Variants in VGLL3 observed in about 807,000 individuals in gnomAD.
The protein encoded by VGLL3 is transcription cofactor vestigial-like protein 3.
Under a neutral mutation model 29.2 loss-of-function variants are expected in VGLL3, and 18 were observed. That is an observed-to-expected ratio of 0.62 (90% CI 0.43 to 0.91). The LOEUF is 0.91. Among genes scored for constraint, VGLL3 ranks in the 40% least tolerant of loss-of-function variants. VGLL3 has a pLI of 0.00. For missense variants in VGLL3, 440 were observed against 413.2 expected, an observed-to-expected ratio of 1.06 and a Z score of -0.56; for synonymous variants, 180 against 151.8, an observed-to-expected ratio of 1.19 and a Z score of -1.36.
chr3:86,974,578 T>C (rs909507000), intron 2 of VGLL3, among the ~76,000 whole-genome samples: 1 of 152,182 alleles, frequency 6.6e-6, no homozygotes, highest in Non-Finnish European at 1.5e-5. Context: ...AAAACTTACC[T>C]AGCTTCATGA....
intron 2 of VGLL3, among the ~76,000 whole-genome samples, chr3:86,976,227 G>A (rs1287720445): frequency 6.6e-6 from 1 of 152,024 alleles, no homozygotes; most frequent in South Asian, 2.1e-4. Flanking sequence ...CCATCTTCAG[G>A]GCCTTTGCAC....
intron 2 of VGLL3, among the ~76,000 whole-genome samples, chr3:86,975,860 C>T (rs535606104): frequency 3.9e-5 from 6 of 152,080 alleles, no homozygotes; most frequent in South Asian, 2.1e-4. Flanking sequence ...AGTGTGGCTC[C>T]GAGCACTTTG....
At chr3:86,987,254 T>G (rs1705463526) in intron 1 of VGLL3, among the ~76,000 whole-genome samples, 1 of 152,140 alleles carries the variant, frequency 6.6e-6, no homozygotes, top group Non-Finnish European at 1.5e-5. Flanking sequence ...GCAGAACAAT[T>G]TTATGACTCA....
At chr3:86,988,780 A>G (rs909767613) in intron 1 of VGLL3, among the ~76,000 whole-genome samples, 1 of 140,452 alleles carries the variant, frequency 7.1e-6, no homozygotes, top group African/African-American at 2.5e-5. Flanking sequence ...TAGTTAAGCA[A>G]TGTCTACAAA....
chr3:86,989,287 GC>G (rs1460342410), intron 1 of VGLL3, among the ~76,000 whole-genome samples: 6 of 152,162 alleles, frequency 3.9e-5, no homozygotes, highest in Admixed American at 3.9e-4. Flanking sequence ...TATCAGAGAT[GC>G]TTTGAAATGC....
intron 3 of VGLL3, among the ~76,000 whole-genome samples, chr3:86,955,858 T>C (rs1704711295): frequency 6.6e-6 from 1 of 152,146 alleles, no homozygotes. Context: ...CTATAACACA[T>C]ACTTGTGTTA....
chr3:86,975,517 A>G (rs1303201646), intron 2 of VGLL3, among the ~76,000 whole-genome samples: 88 of 152,212 alleles, frequency 5.8e-4, no homozygotes, highest in Non-Finnish European at 2.9e-5. Context: ...TATAAATTAA[A>G]AAAAACTGTA....
chr3:86,988,319 G>A (rs1165991958), intron 1 of VGLL3, among the ~76,000 whole-genome samples: 2 of 151,974 alleles, frequency 1.3e-5, no homozygotes, highest in African/African-American at 4.8e-5. Context: ...GATGCTATTA[G>A]GGGTCACTTC....
chr3:86,980,036 T>C (rs1705290228), intron 1 of VGLL3, among the ~76,000 whole-genome samples: 1 of 152,094 alleles, frequency 6.6e-6, no homozygotes, highest in Non-Finnish European at 1.5e-5. Flanking sequence ...TATAAGGAGA[T>C]AATGCTAAAG....
At position 86,990,844 on chromosome 3, in the gene VGLL3, C is replaced by A; in HGVS notation, c.-101G>T. On this transcript the variant is annotated 5_prime_UTR_variant, in exon 1 of 4. Transcript: ENST00000398399. ...GCCGCCGCAGCTGCCGCCTCTGTCG[C>A]TGCTCCAGCTGCTACTGCGGCGAAG... 1 of 1,172,070 alleles carries A rather than the reference C, an allele frequency of 8.5e-7. No homozygotes were observed. The highest frequency in any genetic ancestry group is 1.1e-6 in the Non-Finnish European group (1 of 942,118). The allele number at this position is 1,172,070 out of a possible 1,614,324, so 72.6% of individuals were successfully genotyped here. A position where few individuals can be genotyped will look rare whatever the true frequency, so the allele number is the denominator to read the frequency against.
rs1004492494 is a variant in VGLL3, at chr3:86,990,382, G to A, written c.126+236C>T. 3.0e-6 allele frequency: 3 copies of A among 985,232 alleles called. No individual in the cohort carries two copies. The African/African-American group carries it at 5.2e-5, about 17-fold the overall frequency. The allele number at this position is 985,232 out of a possible 1,614,324, so 61.0% of individuals were successfully genotyped here. A position where few individuals can be genotyped will look rare whatever the true frequency, so the allele number is the denominator to read the frequency against. On this transcript the variant is annotated intron_variant, in intron 1 of 3. Transcript: ENST00000398399. The stretch of plus-strand genomic sequence containing the variant: ...GGTGCCTAGGAGGAGCAGCCTCTGA[G>A]CTCCGGTGACCACAGCTCAATGAAG...
chr3:86,987,574 G>A (rs1390416889), intron 1 of VGLL3, among the ~76,000 whole-genome samples: 1 of 152,154 alleles, frequency 6.6e-6, no homozygotes, highest in Non-Finnish European at 1.5e-5. Flanking sequence ...CTGAGGAGTT[G>A]TTAGAGACTG....
chr3:86,982,781 C>T (rs747720781), intron 1 of VGLL3, among the ~76,000 whole-genome samples: 25 of 152,176 alleles, frequency 1.6e-4, no homozygotes, highest in Non-Finnish European at 3.1e-4. Flanking sequence ...ATTTTAAAGA[C>T]TACAAGTTGT....
chr3:86,956,183 G>A (rs921626695), intron 3 of VGLL3, among the ~76,000 whole-genome samples: 2 of 152,188 alleles, frequency 1.3e-5, no homozygotes, highest in Non-Finnish European at 2.9e-5. Flanking sequence ...CTTCATTTGA[G>A]CTGTTCCTTT....
At chr3:86,949,631 C>T (rs1482937243) in intron 3 of VGLL3, among the ~76,000 whole-genome samples, 2 of 151,706 alleles carry the variant, frequency 1.3e-5, no homozygotes, top group Admixed American at 1.3e-4. Flanking sequence ...TCGAGACCAT[C>T]CTGGCTAACA....
At chr3:86,957,149 A>C (rs1480391843) in intron 3 of VGLL3, among the ~76,000 whole-genome samples, 3 of 152,152 alleles carry the variant, frequency 2.0e-5, no homozygotes, top group African/African-American at 7.2e-5. Context: ...AAAATGTTCA[A>C]ATGTATAAAA....
Position 86,978,750 on chromosome 3 carries a change from G to A in VGLL3, c.179C>T (p.Pro60Leu), listed in dbSNP as rs758678477. 2 of 1,613,744 alleles carry A rather than the reference G, an allele frequency of 1.2e-6. No homozygotes were observed. The highest frequency in any genetic ancestry group is 8.5e-7 in the Non-Finnish European group (1 of 1,179,868). The change falls in exon 2 of 4, where the codon CCC becomes CTC. Residue 60 changes from proline to leucine, a missense_variant. Physicochemically the swap from Pro to Leu is moderately conservative, Grantham distance 98. Coordinates refer to ENST00000398399, the MANE Select transcript of VGLL3 (RefSeq NM_016206.4). Reference protein sequence around the residue: ...KMQDSLEVTLPSKQEEEDEEE... With the variant: ...KMQDSLEVTLLSKQEEEDEEE... ...CTCATCCTCCTCCTCTTGTTTGCTG[G>A]GAAGGGTGACTTCCAGAGAGTCCTG...
At chr3:86,958,782 C>T (rs1282983033) in intron 3 of VGLL3, among the ~76,000 whole-genome samples, 1 of 152,138 alleles carries the variant, frequency 6.6e-6, no homozygotes, top group African/African-American at 2.4e-5. Context: ...AAGATGGTTT[C>T]CATTACCCTT....
intron 1 of VGLL3, among the ~76,000 whole-genome samples, chr3:86,981,952 C>T (rs1473429926): frequency 2.0e-5 from 3 of 152,046 alleles, no homozygotes; most frequent in Non-Finnish European, 4.4e-5. Context: ...CACTAATGTG[C>T]CAAGGTTGAA....
Sources: allele counts gnomAD v4.1 joint callset (sites outside exome capture counted in the v4.1 genomes callset), GRCh38; gene constraint gnomAD v4.1.1; transcripts MANE v1.5; gene names NCBI Gene and HGNC (gene_info 2026-07-23, HGNC 2026-07-21).